EPSTI1: variants seen among roughly 807,000 people sequenced by gnomAD.
EPSTI1 encodes the protein epithelial-stromal interaction protein 1.
Under a neutral mutation model 49.9 loss-of-function variants are expected in EPSTI1, and 66 were observed. The ratio of observed to expected loss-of-function variants is 1.32; its 90% CI spans 1.08 to 1.62. The LOEUF is 1.62. Ranked by LOEUF, EPSTI1 falls within the 40% of genes most tolerant of loss-of-function variation. EPSTI1 has a pLI of 0.00. For missense variants in EPSTI1, 394 were observed against 365.5 expected (o/e 1.08, Z -0.64); for synonymous variants, 137 against 130.7 (o/e 1.05, Z -0.33).
intron 5 of EPSTI1, among the ~76,000 whole-genome samples, chr13:42,957,052 A>G (rs1056283990): frequency 9.8e-5 from 15 of 152,342 alleles, no homozygotes; most frequent in African/African-American, 3.4e-4. Context: ...AATCTAGGCC[A>G]TAAATTACAA....
At chr13:42,917,313 AG>A (rs1424631138) in intron 8 of EPSTI1, among the ~76,000 whole-genome samples, 5 of 152,276 alleles carry the variant, frequency 3.3e-5, no homozygotes, top group African/African-American at 1.2e-4. Flanking sequence ...CACCAACTAC[AG>A]CAGATCCACT....
intron 1 of EPSTI1, among the ~76,000 whole-genome samples, chr13:42,981,505 GA>G (rs2039986231): frequency 6.6e-6 from 1 of 152,128 alleles, no homozygotes; most frequent in South Asian, 2.1e-4. Flanking sequence ...TATTGTATTT[GA>G]ACAAAAATGA....
intron 1 of EPSTI1, among the ~76,000 whole-genome samples, chr13:42,988,244 C>T (rs2040119702): frequency 6.6e-6 from 1 of 151,988 alleles, no homozygotes; most frequent in African/African-American, 2.4e-5. Context: ...AAAATATTTA[C>T]AAACAAGCAG....
chr13:42,915,005 T>C (rs1057364709), intron 8 of EPSTI1, among the ~76,000 whole-genome samples: 1 of 152,222 alleles, frequency 6.6e-6, no homozygotes, highest in Non-Finnish European at 1.5e-5. Context: ...GAGAGACACA[T>C]AGAACAAAAC....
chr13:42,957,585 T>A (rs1010239756), intron 5 of EPSTI1, among the ~76,000 whole-genome samples: 2 of 152,190 alleles, frequency 1.3e-5, no homozygotes, highest in African/African-American at 4.8e-5. Flanking sequence ...TTTATGTATT[T>A]ATTTATTTGA....
chr13:42,955,881 G>C (rs76933818), intron 5 of EPSTI1, among the ~76,000 whole-genome samples: 90 of 121,470 alleles, frequency 7.4e-4, no homozygotes, highest in Middle Eastern at 4.5e-3. Context: ...AGTATTTGGG[G>C]GGGGGGGGAA....
At chr13:42,910,447 T>C (rs1177888557) in intron 8 of EPSTI1, among the ~76,000 whole-genome samples, 4 of 151,700 alleles carry the variant, frequency 2.6e-5, no homozygotes, top group African/African-American at 9.7e-5. Context: ...AGAGATGGGG[T>C]TTCACCATGT....
intron 8 of EPSTI1, among the ~76,000 whole-genome samples, chr13:42,900,883 T>C (rs2037334305): frequency 2.6e-5 from 4 of 152,218 alleles, no homozygotes; most frequent in South Asian, 2.1e-4. Flanking sequence ...TCACCTATTA[T>C]TGATTAGTTA....
intron 6 of EPSTI1, among the ~76,000 whole-genome samples, chr13:42,926,877 T>C (rs755568725): frequency 1.3e-5 from 2 of 152,140 alleles, no homozygotes; most frequent in Non-Finnish European, 2.9e-5. Flanking sequence ...ATCTGCCTCA[T>C]GGCTTTGACC....
chr13:42,892,998 G>A (rs1288590605), intron 10 of EPSTI1, among the ~76,000 whole-genome samples: 2 of 152,204 alleles, frequency 1.3e-5, no homozygotes, highest in Non-Finnish European at 2.9e-5. Flanking sequence ...TCAGTCAAAA[G>A]AGGAAGATTG....
At chr13:42,951,969 G>A (rs1039812689) in intron 6 of EPSTI1, among the ~76,000 whole-genome samples, 6 of 152,182 alleles carry the variant, frequency 3.9e-5, no homozygotes, top group Admixed American at 6.5e-5. Flanking sequence ...TCAGCACTCC[G>A]TAGCTAGGAT....
intron 5 of EPSTI1, among the ~76,000 whole-genome samples, chr13:42,954,918 A>C (rs2039213507): frequency 6.6e-6 from 1 of 152,228 alleles, no homozygotes; most frequent in Non-Finnish European, 1.5e-5. Context: ...GGAAATCATC[A>C]CTTTCAAGCC....
chr13:42,946,469 G>A (rs1594702394), intron 6 of EPSTI1, among the ~76,000 whole-genome samples: 1 of 152,156 alleles, frequency 6.6e-6, no homozygotes, highest in East Asian at 1.9e-4. Context: ...AGTGCAGCCA[G>A]GAGAGGTCAC....
intron 6 of EPSTI1, 27 bp from the exon 7 acceptor site, chr13:42,926,456 T>C: frequency 1.6e-6 from 2 of 1,239,172 alleles, no homozygotes; most frequent in Non-Finnish European, 2.4e-6. Flanking sequence ...CAGGTGTTAG[T>C]GCCTTCACAA....
chr13:42,982,436 C>T (rs904463510), intron 1 of EPSTI1, among the ~76,000 whole-genome samples: 2 of 152,214 alleles, frequency 1.3e-5, no homozygotes, highest in African/African-American at 4.8e-5. Context: ...AGTAGTCACT[C>T]TTTATTCCTT....
chr13:42,967,891 G>A (rs1483185780), intron 3 of EPSTI1, among the ~76,000 whole-genome samples: 1 of 152,164 alleles, frequency 6.6e-6, no homozygotes, highest in East Asian at 1.9e-4. Flanking sequence ...GAAAAGTCCA[G>A]CCACACCCTG....
intron 1 of EPSTI1, among the ~76,000 whole-genome samples, chr13:42,990,674 C>T (rs1172707288): frequency 6.6e-6 from 1 of 152,152 alleles, no homozygotes; most frequent in Non-Finnish European, 1.5e-5. Context: ...AGATTATCCA[C>T]CCCATCTAAG....
chr13:42,960,602 A>G (rs1375580716), intron 5 of EPSTI1, among the ~76,000 whole-genome samples: 1 of 152,200 alleles, frequency 6.6e-6, no homozygotes, highest in Non-Finnish European at 1.5e-5. Context: ...GCTTAAAACA[A>G]TACAAATTTA....
intron 8 of EPSTI1, among the ~76,000 whole-genome samples, chr13:42,914,868 A>G (rs2153417218): frequency 6.6e-6 from 1 of 152,322 alleles, no homozygotes; most frequent in Admixed American, 6.5e-5. Flanking sequence ...GAAGATATAG[A>G]AAAAAGAGGA....
Sources: gnomAD v4.1 joint callset for allele counts (sites outside exome capture counted in the v4.1 genomes callset) on GRCh38, gnomAD v4.1.1 for gene constraint, MANE v1.5 for transcripts, NCBI Gene and HGNC (gene_info 2026-07-23, HGNC 2026-07-21) for gene names.